SLC27A6: variants seen among roughly 807,000 people sequenced by gnomAD.
SLC27A6 encodes long-chain fatty acid transport protein 6.
In SLC27A6, 74 loss-of-function variants were observed where a neutral mutation model predicts 63.9. That is an observed-to-expected ratio of 1.16 (90% CI 0.96 to 1.40). The LOEUF is 1.40. Ranked by LOEUF, SLC27A6 falls within the 40% of genes most tolerant of loss-of-function variation. The pLI, the probability that SLC27A6 is intolerant of heterozygous loss-of-function variation, is 0.00. For synonymous variants in SLC27A6, 287 were observed against 260.8 expected, an observed-to-expected ratio of 1.10 and a Z score of -0.97; for missense variants, 794 against 732.9, an observed-to-expected ratio of 1.08 and a Z score of -0.96.
intron 1 of SLC27A6, among the ~76,000 whole-genome samples, chr5:128,981,851 T>C (rs954997233): frequency 7.3e-5 from 11 of 151,448 alleles, no homozygotes; most frequent in Non-Finnish European, 1.6e-4. Flanking sequence ...TCTCACTCTG[T>C]CCCCTAAGCT....
chr5:128,983,081 A>G (rs1438067421), intron 1 of SLC27A6, among the ~76,000 whole-genome samples: 1 of 152,176 alleles, frequency 6.6e-6, no homozygotes, highest in African/African-American at 2.4e-5. Flanking sequence ...GAACTAACCC[A>G]ATGACTGATA....
intron 9 of SLC27A6, among the ~76,000 whole-genome samples, chr5:129,030,201 T>C (rs1752371706): frequency 6.6e-6 from 1 of 152,052 alleles, no homozygotes; most frequent in Admixed American, 6.6e-5. Context: ...AGTTTATTTA[T>C]TTTGAGATGA....
intron 4 of SLC27A6, among the ~76,000 whole-genome samples, chr5:129,005,240 C>T (rs1016920262): frequency 2.6e-5 from 4 of 152,202 alleles, no homozygotes; most frequent in Admixed American, 6.5e-5. Context: ...TCTGACTAGG[C>T]GATTTTCTCC....
intron 1 of SLC27A6, among the ~76,000 whole-genome samples, chr5:128,982,611 A>G (rs1179470628): frequency 6.6e-6 from 1 of 152,224 alleles, no homozygotes; most frequent in Admixed American, 6.5e-5. Flanking sequence ...TGCACTTACA[A>G]GTTCAAAACC....
At chr5:128,978,423 G>A (rs1380477053) in intron 1 of SLC27A6, among the ~76,000 whole-genome samples, 2 of 152,108 alleles carry the variant, frequency 1.3e-5, no homozygotes, top group African/African-American at 4.8e-5. Context: ...TCCCAAAACC[G>A]CTGAGAGTGC....
At chr5:129,012,092 T>C (rs1219542222) in intron 4 of SLC27A6, among the ~76,000 whole-genome samples, 1 of 151,762 alleles carries the variant, frequency 6.6e-6, no homozygotes. Context: ...TATACTTTTA[T>C]AATATAAAAA....
rs765012492 is a variant in SLC27A6, at chr5:129,015,937, G to T, written c.1022G>T (p.Arg341Leu). 4 of 1,603,456 alleles carry T rather than the reference G, an allele frequency of 2.5e-6. No homozygotes were observed. The highest frequency in any genetic ancestry group is 3.4e-6 in the Non-Finnish European group (4 of 1,175,760). Residue 341 changes from arginine to leucine, a missense_variant, in exon 5 of 10, where the codon CGG becomes CTG. By Grantham distance (102) the Arg-to-Leu change is moderately radical (BLOSUM62 -2). Coordinates refer to ENST00000262462, the MANE Select transcript of SLC27A6 (RefSeq NM_001017372.3). ...CGTTTGGCAATTGGAAATGGCATAC[G>T]GAGTGATGTATGGAGAGAATTTTTA... is the stretch of plus-strand genomic sequence containing the variant. Reference protein sequence around the residue: ...KVRLAIGNGIRSDVWREFLDR... With the variant: ...KVRLAIGNGILSDVWREFLDR...
At chr5:129,021,329 C>G (rs963724916) in intron 5 of SLC27A6, among the ~76,000 whole-genome samples, 1 of 151,854 alleles carries the variant, frequency 6.6e-6, no homozygotes. Context: ...ACTCTGTTCC[C>G]GACTCTACTA....
intron 4 of SLC27A6, 142 bp from the exon 5 acceptor site, chr5:129,015,743 A>C (rs1196104962): frequency 6.8e-6 from 4 of 585,414 alleles, no homozygotes; most frequent in Non-Finnish European, 8.7e-6. Context: ...ACAGTTCTGC[A>C]ATAGACTTAT....
chr5:128,991,239 C>T (rs1750971476), intron 4 of SLC27A6, among the ~76,000 whole-genome samples: 1 of 152,128 alleles, frequency 6.6e-6, no homozygotes, highest in African/African-American at 2.4e-5. Flanking sequence ...CGGGTGTGAG[C>T]TGAGTTACAA....
At chr5:128,989,340 CAGT>C (rs1186047429) in intron 3 of SLC27A6, among the ~76,000 whole-genome samples, 9 of 152,160 alleles carry the variant, frequency 5.9e-5, no homozygotes, top group African/African-American at 2.2e-4. Flanking sequence ...GCTTGTGACT[CAGT>C]AGATTCCATT....
chr5:129,016,033 A>G lies in SLC27A6; in HGVS notation c.1118A>G (p.Tyr373Cys), dbSNP rs1661740636. 1.3e-6 allele frequency: 2 copies of G among 1,598,542 alleles called. No individual in the cohort carries two copies. Among genetic ancestry groups the G allele is most frequent in the Admixed American group, 1.8e-5 (1 of 54,130 alleles). ...ATESSISFMN[Y>C]TGRIGAIGRT... ...GAATCAAGCATATCTTTCATGAACT[A>G]CACTGGGAGAATTGGAGCAATTGGG... Residue 373 changes from tyrosine to cysteine, a missense_variant, in exon 5 of 10, where the codon TAC becomes TGC. Transcript: ENST00000262462.
chr5:128,973,182 TG>T (rs960037217), intron 1 of SLC27A6, among the ~76,000 whole-genome samples: 20 of 152,146 alleles, frequency 1.3e-4, no homozygotes, highest in African/African-American at 4.3e-4. Flanking sequence ...CAGTGTCAGT[TG>T]GCCCCTACTG....
chr5:129,003,967 CAAAAAAA>C (rs779667758), intron 4 of SLC27A6, among the ~76,000 whole-genome samples: 1 of 69,426 alleles, frequency 1.4e-5, no homozygotes, highest in East Asian at 5.0e-4. Flanking sequence ...GACCCTGTCT[CAAAAAAA>C]AAAAAAAAAA....
At chr5:128,996,826 A>C (rs1390851305) in intron 4 of SLC27A6, among the ~76,000 whole-genome samples, 1 of 152,154 alleles carries the variant, frequency 6.6e-6, no homozygotes, top group Non-Finnish European at 1.5e-5. Context: ...GAGAGATCGA[A>C]TGATGCTATC....
chr5:128,965,763 T>G lies in SLC27A6; in HGVS notation c.-375T>G, dbSNP rs1335514741. 5.3e-6 allele frequency: 1 copy of G among 189,402 alleles called. No individual in the cohort carries two copies. The allele number at this position is 189,402 out of a possible 1,614,324, so 11.7% of individuals were successfully genotyped here. A position where few individuals can be genotyped will look rare whatever the true frequency, so the allele number is the denominator to read the frequency against. ...CCTCACAGAGAAGAGGTCTGGAAAG[T>G]CCTGGGGAACTCGCAGGGCACGGGC... On this transcript the variant is annotated 5_prime_UTR_variant, in exon 1 of 10. Transcript: ENST00000262462.
Position 128,985,263 on chromosome 5 carries a change from C to A in SLC27A6, c.612C>A (p.Pro204=). Residue 204 remains proline, a synonymous_variant, in exon 2 of 10, where the codon CCC becomes CCA. Coordinates refer to ENST00000262462, the MANE Select transcript of SLC27A6 (RefSeq NM_001017372.3). ...KEKLSTSPDE[P]VPRSHHVVSL... ...AACTGAGCACCTCACCTGATGAGCC[C>A]GTGCCACGCAGCCACCATGTTGTCT... 4 of 1,614,058 alleles carry A rather than the reference C, an allele frequency of 2.5e-6. No homozygotes were observed. Among genetic ancestry groups the A allele is most frequent in the Non-Finnish European group, 3.4e-6 (4 of 1,179,992 alleles).
At chr5:129,017,073 C>T (rs188811752) in intron 5 of SLC27A6, among the ~76,000 whole-genome samples, 17 of 152,296 alleles carry the variant, frequency 1.1e-4, no homozygotes, top group Admixed American at 9.8e-4. Context: ...AATAAATCTT[C>T]AGTAACCTTC....
intron 4 of SLC27A6, among the ~76,000 whole-genome samples, chr5:129,014,852 T>G (rs1374659557): frequency 6.6e-6 from 1 of 152,226 alleles, no homozygotes; most frequent in Non-Finnish European, 1.5e-5. Flanking sequence ...TCCATTCTGC[T>G]CAATCACATG....
Sources: gnomAD v4.1 joint callset for allele counts (sites outside exome capture counted in the v4.1 genomes callset) on GRCh38, gnomAD v4.1.1 for gene constraint, MANE v1.5 for transcripts, NCBI Gene and HGNC (gene_info 2026-07-23, HGNC 2026-07-21) for gene names.